Variants in DPYSL5 observed in about 807,000 individuals in gnomAD.
DPYSL5 encodes the protein dihydropyrimidinase-related protein 5.
DPYSL5 carries 9 observed loss-of-function variants against 58.4 expected under a neutral mutation model. That is an observed-to-expected ratio of 0.15 (90% CI 0.09 to 0.27). DPYSL5 has a LOEUF of 0.27. DPYSL5 is among the 10% of genes least tolerant of loss of function. The probability of loss-of-function intolerance (pLI) is 1.00; values close to 1 mark genes in which losing one functional copy is unlikely to be tolerated. For synonymous variants in DPYSL5, 293 were observed against 301.9 expected (o/e 0.97, Z 0.31); for missense variants, 499 against 770.6 (o/e 0.65, Z 4.17).
chr2:26,945,318 T>TTTA (rs1407654886), intron 12 of DPYSL5, among the ~76,000 whole-genome samples: 12 of 151,082 alleles, frequency 7.9e-5, no homozygotes, highest in African/African-American at 2.9e-4. Flanking sequence ...TTTTTTTTTT[T>TTTA]ACCAGGAATT....
At chr2:26,908,454 T>C (rs1470995813) in intron 2 of DPYSL5, among the ~76,000 whole-genome samples, 2 of 152,220 alleles carry the variant, frequency 1.3e-5, no homozygotes, top group Non-Finnish European at 2.9e-5. Flanking sequence ...AACAAAACCT[T>C]GCTGGCAACT....
In DPYSL5 at chr2:26,944,176, C is replaced by T. The variant is rs896838007; in HGVS notation, c.1441-480C>T. On this transcript the variant is annotated intron_variant, in intron 11 of 12. Coordinates refer to ENST00000288699, the MANE Select transcript of DPYSL5 (RefSeq NM_020134.4). The surrounding 1 kb of genome is among the most constrained non-coding windows in gnomAD (Gnocchi z 4.4). ...CGGTGGCAGGCGCCTGTAATCCTAG[C>T]TACTTGGGAGGCTGAGGCAGGAGAA... Among the ~76,000 whole-genome samples, 1 of 152,102 alleles carries T rather than the reference C, an allele frequency of 6.6e-6. No individual in the cohort carries two copies. Among genetic ancestry groups the T allele is most frequent in the East Asian group, 1.9e-4 (1 of 5,178 alleles).
intron 1 of DPYSL5, among the ~76,000 whole-genome samples, chr2:26,895,775 C>CTTTTTTTTTTTTTTTTT (rs869030530): frequency 9.9e-6 from 1 of 101,086 alleles, no homozygotes; most frequent in African/African-American, 3.9e-5. Context: ...ATTTCTTTTT[C>CTTTTTTTTTTTTTTTTT]TTTTTTTTTT....
rs146044504 is a variant in DPYSL5, at chr2:26,918,949, A to C, written c.262-5938A>C. On this transcript the variant is annotated intron_variant, in intron 2 of 12. Coordinates refer to ENST00000288699, the MANE Select transcript of DPYSL5 (RefSeq NM_020134.4). ...AGGTTCTTGGCCTTGAAGCAAGAGA[A>C]CCAAATCTTGTGGGCAGGGTTGCTG... Among the ~76,000 whole-genome samples, 584 of 152,294 alleles carry C rather than the reference A, an allele frequency of 3.8e-3. 2 individuals are homozygous for C. The highest frequency in any genetic ancestry group is 0.013 in the African/African-American group (557 of 41,556).
chr2:26,897,874 TG>T (rs1247569682), intron 1 of DPYSL5, among the ~76,000 whole-genome samples: 1 of 152,180 alleles, frequency 6.6e-6, no homozygotes, highest in African/African-American at 2.4e-5. Flanking sequence ...GAGCTTCATG[TG>T]CAACCAGCTG....
At chr2:26,888,733 G>T (rs1213882669) in intron 1 of DPYSL5, among the ~76,000 whole-genome samples, 1 of 152,204 alleles carries the variant, frequency 6.6e-6, no homozygotes, top group African/African-American at 2.4e-5. Flanking sequence ...GATATAGCCA[G>T]AAGTCTTTAA....
intron 2 of DPYSL5, among the ~76,000 whole-genome samples, chr2:26,918,068 C>T (rs1004567024): frequency 3.2e-5 from 4 of 126,898 alleles, no homozygotes; most frequent in South Asian, 2.7e-4. Flanking sequence ...ACCTGGGAGG[C>T]GGAGGTTTCA....
chr2:26,897,114 A>C (rs1224479642), intron 1 of DPYSL5, among the ~76,000 whole-genome samples: 1 of 152,210 alleles, frequency 6.6e-6, no homozygotes, highest in East Asian at 1.9e-4. Context: ...TGTCATCTGC[A>C]ACGAGGGACA....
chr2:26,860,255 A>C (rs149973761), intron 1 of DPYSL5, among the ~76,000 whole-genome samples: 147 of 152,340 alleles, frequency 9.6e-4, no homozygotes, highest in African/African-American at 3.3e-3. Flanking sequence ...ATGATTGTCA[A>C]ATGGACACAG....
At position 26,946,953 on chromosome 2, in the gene DPYSL5, G is replaced by T. The variant is rs368043892; in HGVS notation, c.1653G>T (p.Arg551=). 9 of 1,614,004 alleles carry T rather than the reference G, an allele frequency of 5.6e-6. No homozygotes were observed. In the Admixed American group the frequency reaches 1.5e-4, roughly 27 times the overall value. The change falls in exon 13 of 13, where the codon CGG becomes CGT. Residue 551 remains arginine (R), a synonymous_variant. Transcript: ENST00000288699. The part of the protein sequence containing the change: ...DDHVPKRASA[R]ILAPPGGRSS... The stretch of plus-strand genomic sequence containing the variant: ...ATGTTCCAAAGCGAGCTTCAGCTCG[G>T]ATCCTCGCTCCTCCCGGAGGCAGGT...
In DPYSL5 at chr2:26,933,563, C is replaced by T. The variant is rs992186546; in HGVS notation, c.790+230C>T. Among the ~76,000 whole-genome samples the T allele has an allele frequency of 1.2e-4, 18 of 152,192 alleles. No individual in the cohort carries two copies. The highest frequency in any genetic ancestry group is 4.1e-4 in the African/African-American group (17 of 41,440). ...CAAATTTGTATGCATAACAGCTTTACGGAAGTGTCTGTCACTTCTCCTGGG... is the reference window on the plus strand; with the variant it reads ...CAAATTTGTATGCATAACAGCTTTATGGAAGTGTCTGTCACTTCTCCTGGG... On this transcript the variant is annotated intron_variant, in intron 7 of 12. Transcript: ENST00000288699. The surrounding 1 kb of genome is among the most constrained non-coding windows in gnomAD (Gnocchi z 4.2).
chr2:26,869,860 A>T (rs1663212405), intron 1 of DPYSL5, among the ~76,000 whole-genome samples: 1 of 151,908 alleles, frequency 6.6e-6, no homozygotes, highest in African/African-American at 2.4e-5. Flanking sequence ...AAATACAAAA[A>T]ATCAGCCGGG....
Position 26,905,427 on chromosome 2 carries a change from C to A in DPYSL5, c.261+6667C>A, listed in dbSNP as rs1050273703. Among the ~76,000 whole-genome samples the A allele has an allele frequency of 6.6e-6, 1 of 152,286 alleles. No homozygotes were observed. The highest frequency in any genetic ancestry group is 1.9e-4 in the East Asian group (1 of 5,174). On this transcript the variant is annotated intron_variant, in intron 2 of 12. Coordinates refer to ENST00000288699, the MANE Select transcript of DPYSL5 (RefSeq NM_020134.4). This position sits in a 1 kb window ranked among gnomAD's most constrained non-coding sequence, Gnocchi z 4.0. ...TCCAGTTCCTTGAGAAAAGATCCAC[C>A]GACTTTGGCTTCACAATGAAATTGC...
chr2:26,869,840 T>C (rs1428747424), intron 1 of DPYSL5, among the ~76,000 whole-genome samples: 1 of 151,880 alleles, frequency 6.6e-6, no homozygotes, highest in African/African-American at 2.4e-5. Context: ...TGAAATGCCG[T>C]CTCTACTAAA....
intron 2 of DPYSL5, among the ~76,000 whole-genome samples, chr2:26,911,167 C>A (rs1558342109): frequency 6.9e-6 from 1 of 145,468 alleles, no homozygotes; most frequent in Non-Finnish European, 1.5e-5. Context: ...AATCAATTGA[C>A]CATACATGTG....
At chr2:26,916,838 C>T (rs1664576666) in intron 2 of DPYSL5, among the ~76,000 whole-genome samples, 1 of 152,184 alleles carries the variant, frequency 6.6e-6, no homozygotes, top group Non-Finnish European at 1.5e-5. Flanking sequence ...GAACTTTTCT[C>T]CTTTCCTGTT....
Position 26,947,232 on chromosome 2 carries a change from G to A in DPYSL5, c.*237G>A, listed in dbSNP as rs1331163569. 4.2e-6 allele frequency: 2 copies of A among 480,188 alleles called. No individual in the cohort carries two copies. Among genetic ancestry groups the A allele is most frequent in the South Asian group, 2.5e-5 (1 of 40,382 alleles). The allele number at this position is 480,188 out of a possible 1,614,324, so 29.7% of individuals were successfully genotyped here. ...TAGTCCTTTCTGCCTTGGCCTCGGC[G>A]GGCTTTTCTGGGGCCCAGGAAGCCC... On this transcript the variant is annotated 3_prime_UTR_variant, in exon 13 of 13. Coordinates refer to ENST00000288699, the MANE Select transcript of DPYSL5 (RefSeq NM_020134.4). The surrounding 1 kb of genome is among the most constrained non-coding windows in gnomAD (Gnocchi z 4.2).
chr2:26,850,325 G>T (rs947239276), intron 1 of DPYSL5, among the ~76,000 whole-genome samples: 3 of 152,126 alleles, frequency 2.0e-5, no homozygotes, highest in African/African-American at 7.2e-5. Context: ...CAGATGAACC[G>T]AATGGAAGCT....
rs1269463988 is a variant in DPYSL5, at chr2:26,933,239, C to G, written c.715-19C>G. The G allele has an allele frequency of 9.9e-6, 16 of 1,612,636 alleles. No individual in the cohort carries two copies. Among genetic ancestry groups the G allele is most frequent in the Non-Finnish European group, 1.4e-5 (16 of 1,178,756 alleles). On this transcript the variant is annotated intron_variant, in intron 6 of 12. Transcript: ENST00000288699. This position sits in a 1 kb window ranked among gnomAD's most constrained non-coding sequence, Gnocchi z 4.2. ...TTATGGGTCAACCCTCCCTACTTCC[C>G]ACTGTTTCTTGTGTTTAGACTCACT...
Sources: gnomAD v4.1 joint callset for allele counts (sites outside exome capture counted in the v4.1 genomes callset) on GRCh38, gnomAD v4.1.1 for gene constraint, Gnocchi (gnomAD v3.1) non-coding constraint, MANE v1.5 for transcripts, NCBI Gene and HGNC (gene_info 2026-07-23, HGNC 2026-07-21) for gene names.